The following SSBP2 variants were observed in gnomAD, a reference collection of about 807,000 sequenced individuals.
The protein encoded by SSBP2 is single stranded DNA binding protein 2.
SSBP2 carries 17 observed loss-of-function variants against 61.8 expected under a neutral mutation model. The ratio of observed to expected loss-of-function variants is 0.28; its 90% confidence interval spans 0.19 to 0.41. The LOEUF (loss-of-function observed/expected upper bound fraction) is 0.41, where lower values mean the gene tolerates loss of function less well. Ranked by LOEUF, SSBP2 falls within the 10% of genes least tolerant of loss-of-function variation. SSBP2 has a pLI of 1.00. For synonymous variants in SSBP2, 139 were observed against 141.3 expected (o/e 0.98, Z 0.12); for missense variants, 310 against 458.7 (o/e 0.68, Z 2.96).
At chr5:81,526,444 T>C (rs1769944172) in intron 4 of SSBP2, among the ~76,000 whole-genome samples, 2 of 152,012 alleles carry the variant, frequency 1.3e-5, no homozygotes, top group Admixed American at 1.3e-4. Flanking sequence ...TAAACTTTCA[T>C]CCTGAAAGAG....
At chr5:81,585,813 T>C (rs1439318572) in intron 4 of SSBP2, among the ~76,000 whole-genome samples, 1 of 152,090 alleles carries the variant, frequency 6.6e-6, no homozygotes, top group Non-Finnish European at 1.5e-5. Context: ...CTCCCCAGTA[T>C]CCCTCCCCAC....
intron 16 of SSBP2, among the ~76,000 whole-genome samples, chr5:81,424,933 G>A (rs1761858698): frequency 6.6e-6 from 1 of 152,200 alleles, no homozygotes; most frequent in South Asian, 2.1e-4. Context: ...AAAATGCTGT[G>A]ATATCAGGTT....
In SSBP2 at chr5:81,718,856, T is replaced by C. The variant is rs77775242; in HGVS notation, c.62+32125A>G. Reference sequence around the variant, plus strand: ...CCACTGCAAGTAAGTCTGTAACTTCTTTAACCATGAAAAGTAGTTTGGACC... The same window carrying C: ...CCACTGCAAGTAAGTCTGTAACTTCCTTAACCATGAAAAGTAGTTTGGACC... On this transcript the variant is annotated intron_variant, in intron 1 of 16. Transcript: ENST00000320672. 6.6e-3 allele frequency among the ~76,000 whole-genome samples: 1,003 copies of C among 152,284 alleles called. 13 individuals carry two copies. The highest frequency in any genetic ancestry group is 0.021 in the African/African-American group (866 of 41,554).
At position 81,538,248 on chromosome 5, in the gene SSBP2, G is replaced by A. The variant is rs1580957052; in HGVS notation, c.283-24531C>T. Among the ~76,000 whole-genome samples, 4 of 152,296 alleles carry A rather than the reference G, an allele frequency of 2.6e-5. No individual in the cohort carries two copies. In the South Asian group the frequency reaches 8.3e-4, roughly 32 times the overall value. ...AGAGAAAGATTTAGTGATGTGGATA[G>A]AAGATCAAACCAGCCACAACATTTC... On this transcript the variant is annotated intron_variant, in intron 4 of 16. Coordinates refer to ENST00000320672, the MANE Select transcript of SSBP2 (RefSeq NM_012446.5).
intron 4 of SSBP2, among the ~76,000 whole-genome samples, chr5:81,563,427 A>G (rs1581033148): frequency 6.6e-6 from 1 of 152,326 alleles, no homozygotes; most frequent in Middle Eastern, 3.4e-3. Flanking sequence ...AGGAAAAAAT[A>G]TCTGTGACTT....
chr5:81,536,694 T>C (rs1208279720), intron 4 of SSBP2, among the ~76,000 whole-genome samples: 1 of 152,064 alleles, frequency 6.6e-6, no homozygotes, highest in Non-Finnish European at 1.5e-5. Flanking sequence ...CTTAACTCTA[T>C]CACAGGACAG....
chr5:81,694,644 C>CCCA (rs1753469463), intron 1 of SSBP2, among the ~76,000 whole-genome samples: 1 of 152,006 alleles, frequency 6.6e-6, no homozygotes. Flanking sequence ...CCACCCTTAC[C>CCCA]CCACCACCAC....
chr5:81,664,386 TC>T (rs1233846339), intron 1 of SSBP2, among the ~76,000 whole-genome samples: 1 of 152,188 alleles, frequency 6.6e-6, no homozygotes, highest in Non-Finnish European at 1.5e-5. Flanking sequence ...CGCCTTGGCC[TC>T]CCAAAGTGCT....
At chr5:81,731,406 A>T (rs1756254957) in intron 1 of SSBP2, among the ~76,000 whole-genome samples, 1 of 152,202 alleles carries the variant, frequency 6.6e-6, no homozygotes, top group Non-Finnish European at 1.5e-5. Context: ...GCAACTGCCA[A>T]GCCAAATGAA....
chr5:81,665,184 C>T (rs1037757240), intron 1 of SSBP2, among the ~76,000 whole-genome samples: 3 of 152,130 alleles, frequency 2.0e-5, no homozygotes, highest in Non-Finnish European at 4.4e-5. Flanking sequence ...TGATTCTTCC[C>T]ATCCATGAGC....
chr5:81,691,912 C>T (rs1428480686), intron 1 of SSBP2, among the ~76,000 whole-genome samples: 1 of 152,082 alleles, frequency 6.6e-6, no homozygotes, highest in Non-Finnish European at 1.5e-5. Context: ...TCAACAGATG[C>T]AAATCAATCA....
intron 4 of SSBP2, among the ~76,000 whole-genome samples, chr5:81,515,682 A>AT (rs35158992): frequency 1.9e-4 from 28 of 149,646 alleles, no homozygotes; most frequent in African/African-American, 4.9e-4. Flanking sequence ...CTAATTGCTT[A>AT]TTTTTTTTTT....
chr5:81,540,156 G>T (rs749336257), intron 4 of SSBP2, among the ~76,000 whole-genome samples: 1 of 152,126 alleles, frequency 6.6e-6, no homozygotes, highest in Admixed American at 6.6e-5. Context: ...TGGGCATTTG[G>T]GTTGGTTCCA....
intron 5 of SSBP2, among the ~76,000 whole-genome samples, chr5:81,501,439 C>A (rs1767756416): frequency 6.7e-6 from 1 of 149,396 alleles, no homozygotes; most frequent in Non-Finnish European, 1.5e-5. Flanking sequence ...AGGTAGTATT[C>A]ACATTTGCAG....
intron 16 of SSBP2, among the ~76,000 whole-genome samples, chr5:81,424,149 G>C (rs1224063227): frequency 6.6e-6 from 1 of 152,144 alleles, no homozygotes; most frequent in Non-Finnish European, 1.5e-5. Flanking sequence ...CAACTGGCCG[G>C]GCATGGTGGG....
intron 1 of SSBP2, among the ~76,000 whole-genome samples, chr5:81,671,172 A>T (rs2153788395): frequency 6.6e-6 from 1 of 152,248 alleles, no homozygotes; most frequent in South Asian, 2.1e-4. Context: ...ACCCAGGATA[A>T]TCTTTTCCCT....
chr5:81,638,793 T>C (rs1748500612), intron 2 of SSBP2, among the ~76,000 whole-genome samples: 1 of 152,050 alleles, frequency 6.6e-6, no homozygotes, highest in Non-Finnish European at 1.5e-5. Flanking sequence ...ACAATCAGAG[T>C]TGGAACTAAG....
rs375770512 is a variant in SSBP2, at chr5:81,538,229, A to G, written c.283-24512T>C. Among the ~76,000 whole-genome samples the G allele has an allele frequency of 2.6e-5, 4 of 152,320 alleles. No homozygotes were observed. In the East Asian group the frequency reaches 5.8e-4, roughly 22 times the overall value. On this transcript the variant is annotated intron_variant, in intron 4 of 16. Coordinates refer to ENST00000320672, the MANE Select transcript of SSBP2 (RefSeq NM_012446.5). ...ACAGCCTTACTGTTTATACAGAGAA[A>G]GATTTAGTGATGTGGATAGAAGATC...
rs376380597 is a variant in SSBP2, at chr5:81,542,179, A to G, written c.283-28462T>C. On this transcript the variant is annotated intron_variant, in intron 4 of 16. Transcript: ENST00000320672. ...ACATGAAAAAATGCTCCGCATCACT[A>G]ATAATCAGAGAAATGCAAATCAAGA... is the stretch of plus-strand genomic sequence containing the variant. Among the ~76,000 whole-genome samples the G allele has an allele frequency of 7.9e-5, 12 of 152,296 alleles. No individual in the cohort carries two copies. In the East Asian group the frequency reaches 1.2e-3, roughly 15 times the overall value.
Sources: allele counts gnomAD v4.1 joint callset (sites outside exome capture counted in the v4.1 genomes callset), GRCh38; gene constraint gnomAD v4.1.1; transcripts MANE v1.5; gene names NCBI Gene and HGNC (gene_info 2026-07-23, HGNC 2026-07-21).